TMC5: variants seen among roughly 807,000 people sequenced by gnomAD.
TMC5 encodes the protein transmembrane channel like 5, also known as transmembrane channel-like protein 5.
TMC5 carries 86 observed loss-of-function variants against 110.5 expected under a neutral mutation model. The observed-to-expected ratio is 0.78, with a 90% CI of 0.65 to 0.93. The LOEUF (loss-of-function observed/expected upper bound fraction) is 0.93, where lower values mean the gene tolerates loss of function less well. TMC5 is among the 40% of genes least tolerant of loss of function. TMC5 has a pLI of 0.00. For missense variants in TMC5, 1,144 were observed against 1,222.8 expected, an observed-to-expected ratio of 0.94 and a Z score of 0.96; for synonymous variants, 455 against 439.5, an observed-to-expected ratio of 1.04 and a Z score of -0.44.
rs1266176498 is a variant in TMC5 at position 19,493,467 on chromosome 16, T to TTC, written c.2827-794_2827-793insCT. Among the ~76,000 whole-genome samples the TTC allele has an allele frequency of 3.1e-4, 5 of 15,990 alleles. No homozygotes were observed. The East Asian group carries it at 0.012, about 40-fold the overall frequency. 10.5% of individuals were successfully genotyped at this position (15,990 alleles called of 152,430 possible). A position where few individuals can be genotyped will look rare whatever the true frequency, so the allele number is the denominator to read the frequency against. On this transcript the variant is annotated intron_variant, in intron 19 of 21. Coordinates refer to ENST00000542583, the MANE Select transcript of TMC5 (RefSeq NM_001261841.2). ...AATGTCTCTCTCTCTCTCTCTCTCT[T>TTC]TTTTTTTTTTTGAGACAGAATCTCA... is the stretch of plus-strand genomic sequence containing the variant.
At chr16:19,442,108 C>T (rs114945646) in intron 3 of TMC5, among the ~76,000 whole-genome samples, 17,632 of 151,946 alleles carry the variant, frequency 0.12, 1,459 homozygotes, top group African/African-American at 0.23. Flanking sequence ...TGGCCTAAGG[C>T]CATTTTTAAG....
At chr16:19,414,149 C>T (rs1014937598), upstream of TMC5, among the ~76,000 whole-genome samples, 1 of 151,206 alleles carries the variant, frequency 6.6e-6, no homozygotes, top group African/African-American at 2.4e-5. Context: ...TTCATGCCCC[C>T]CTCATTGTAC....
At chr16:19,470,592 G>T (rs934152432) in intron 10 of TMC5, among the ~76,000 whole-genome samples, 28 of 151,924 alleles carry the variant, frequency 1.8e-4, no homozygotes, top group African/African-American at 6.5e-4. Flanking sequence ...GTATCTAGTG[G>T]GTAAGAGGCC....
intron 1 of TMC5, among the ~76,000 whole-genome samples, chr16:19,419,327 A>G (rs1338603730): frequency 7.0e-6 from 1 of 142,406 alleles, no homozygotes; most frequent in Non-Finnish European, 1.5e-5. Flanking sequence ...TTAACTTATT[A>G]TTATTGTTAT....
At chr16:19,413,238 G>A (rs979489446), upstream of TMC5, among the ~76,000 whole-genome samples, 1 of 151,968 alleles carries the variant, frequency 6.6e-6, no homozygotes, top group Admixed American at 6.6e-5. Context: ...AGTGTGCCAG[G>A]GCAGGCTGGG....
At chr16:19,486,346 C>T (rs1407021397) in intron 15 of TMC5, among the ~76,000 whole-genome samples, 1 of 152,072 alleles carries the variant, frequency 6.6e-6, no homozygotes, top group Non-Finnish European at 1.5e-5. Flanking sequence ...TTTACATGGT[C>T]TTCATTTCTG....
chr16:19,449,476 A>G (rs967259824), intron 4 of TMC5, 66 bp from the exon 5 acceptor site: 3 of 1,340,360 alleles, frequency 2.2e-6, no homozygotes, highest in African/African-American at 2.9e-5. Flanking sequence ...CATCATAACT[A>G]TTGCATGCCA....
intron 2 of TMC5, among the ~76,000 whole-genome samples, chr16:19,434,769 C>T (rs1050108789): frequency 6.6e-6 from 1 of 152,130 alleles, no homozygotes; most frequent in African/African-American, 2.4e-5. Context: ...GTGACTGCTT[C>T]CTTGATGTTG....
chr16:19,450,518 T>C (rs1378968513), intron 5 of TMC5, among the ~76,000 whole-genome samples: 1 of 152,236 alleles, frequency 6.6e-6, no homozygotes, highest in African/African-American at 2.4e-5. Context: ...AGGTATGTCC[T>C]GGATCCTCAG....
intron 14 of TMC5, 137 bp downstream of exon 14, chr16:19,479,665 A>T (rs1968569276): frequency 9.0e-6 from 6 of 665,062 alleles, no homozygotes; most frequent in Non-Finnish European, 1.3e-5. Flanking sequence ...CCTTGGGGAT[A>T]CTGTTCACTT....
chr16:19,453,733 A>G (rs950034576), intron 5 of TMC5, among the ~76,000 whole-genome samples: 1 of 152,152 alleles, frequency 6.6e-6, no homozygotes, highest in African/African-American at 2.4e-5. Flanking sequence ...ACCCTACTGC[A>G]CTCCAGCCTA....
chr16:19,462,671 A>T (rs542182263), intron 6 of TMC5: 6 of 584,422 alleles, frequency 1.0e-5, no homozygotes, highest in Non-Finnish European at 1.9e-5. Context: ...AGGCCAAGGC[A>T]GGTGGATCAC....
chr16:19,498,338 A>G lies in TMC5; in HGVS notation c.*372A>G, dbSNP rs1247984017. 1 of 214,990 alleles carries G rather than the reference A, an allele frequency of 4.7e-6. No individual in the cohort carries two copies. Among genetic ancestry groups the G allele is most frequent in the Non-Finnish European group, 9.2e-6 (1 of 108,508 alleles). The allele number at this position is 214,990 out of a possible 1,614,324, so 13.3% of individuals were successfully genotyped here. ...CCTGCCAGACTTCCCAGACCTGGCA[A>G]AGGTTTAGAAACTGTTGCTAAGAAA... On this transcript the variant is annotated 3_prime_UTR_variant, in exon 22 of 22. Coordinates refer to ENST00000542583, the MANE Select transcript of TMC5 (RefSeq NM_001261841.2).
intron 1 of TMC5, among the ~76,000 whole-genome samples, chr16:19,424,667 T>C (rs561661243): frequency 1.3e-5 from 2 of 151,996 alleles, no homozygotes; most frequent in East Asian, 3.9e-4. Context: ...AAGAATATGA[T>C]AAAGGATACA....
chr16:19,445,675 C>A (rs1284764564), intron 4 of TMC5, among the ~76,000 whole-genome samples: 1 of 151,834 alleles, frequency 6.6e-6, no homozygotes, highest in African/African-American at 2.4e-5. Flanking sequence ...AGAAGGTGTT[C>A]AGCCAATAAG....
intron 6 of TMC5, among the ~76,000 whole-genome samples, chr16:19,461,159 A>C (rs181435891): frequency 4.5e-4 from 69 of 152,338 alleles, no homozygotes; most frequent in Non-Finnish European, 9.4e-4. Context: ...AGTTTTGATA[A>C]ACCTACCATG....
Position 19,497,907 on chromosome 16 carries a change from G to A in TMC5, c.2975-13G>A, listed in dbSNP as rs935064098. 10 of 1,613,628 alleles carry A rather than the reference G, an allele frequency of 6.2e-6. No homozygotes were observed. In the Admixed American group the frequency reaches 1.2e-4, roughly 19 times the overall value. Reference sequence around the variant, plus strand: ...GTGCCTGCGTTAACTTCTCTTTCCTGTGTCAAACCTAGACTTGCGATCTAG... The same window carrying A: ...GTGCCTGCGTTAACTTCTCTTTCCTATGTCAAACCTAGACTTGCGATCTAG... On this transcript the variant is annotated splice_polypyrimidine_tract_variant and intron_variant, in intron 21 of 21. Coordinates refer to ENST00000542583, the MANE Select transcript of TMC5 (RefSeq NM_001261841.2).
intron 15 of TMC5, among the ~76,000 whole-genome samples, chr16:19,481,940 A>G (rs1430354751): frequency 2.0e-5 from 3 of 152,200 alleles, no homozygotes; most frequent in Non-Finnish European, 2.9e-5. Context: ...GGGGACATGG[A>G]GAGAAGGCAA....
intron 3 of TMC5, 68 bp downstream of exon 3, chr16:19,440,894 T>C: frequency 6.6e-7 from 1 of 1,516,122 alleles, no homozygotes; most frequent in African/African-American, 1.4e-5. Context: ...GTCAATGGAA[T>C]TTGGTTGGTG....
Sources: gnomAD v4.1 joint callset for allele counts (sites outside exome capture counted in the v4.1 genomes callset) on GRCh38, gnomAD v4.1.1 for gene constraint, MANE v1.5 for transcripts, NCBI Gene and HGNC (gene_info 2026-07-23, HGNC 2026-07-21) for gene names.